Variants in HPF1 observed in about 807,000 individuals in gnomAD.
HPF1 encodes the protein histone PARylation factor 1, also known as UPF0609 protein C4orf27.
HPF1 carries 35 observed loss-of-function variants against 38.8 expected under a neutral mutation model. That is an observed-to-expected ratio of 0.90 (90% CI 0.69 to 1.19). The LOEUF (loss-of-function observed/expected upper bound fraction) is 1.19, where lower values mean the gene tolerates loss of function less well. Ranked by LOEUF, HPF1 falls within the 50% of genes most tolerant of loss-of-function variation. The pLI is 0.00. For synonymous variants in HPF1, 115 were observed against 139.2 expected (o/e 0.83, Z 1.22); for missense variants, 367 against 405.8 (o/e 0.90, Z 0.82).
intron 5 of HPF1, among the ~76,000 whole-genome samples, chr4:169,740,843 A>G (rs566026113): frequency 6.6e-6 from 1 of 152,350 alleles, no homozygotes; most frequent in East Asian, 1.9e-4. Flanking sequence ...AGCTTGTGGT[A>G]GAAAAATAAA....
At chr4:169,746,174 TTATAGTA>T (rs1396557635) in intron 4 of HPF1, among the ~76,000 whole-genome samples, 1 of 152,210 alleles carries the variant, frequency 6.6e-6, no homozygotes, top group Non-Finnish European at 1.5e-5. Flanking sequence ...TACCAAAGTA[TTATAGTA>T]TATGGATAGT....
At chr4:169,739,534 TAAA>T (rs929725684) in intron 5 of HPF1, among the ~76,000 whole-genome samples, 17 of 151,666 alleles carry the variant, frequency 1.1e-4, no homozygotes, top group African/African-American at 3.6e-4. Flanking sequence ...TGGAAAAAAC[TAAA>T]AAGACTAAAG....
In HPF1 at chr4:169,750,793, A is replaced by C. The variant is rs976817861; in HGVS notation, c.209-68T>G. The C allele has an allele frequency of 8.5e-6, 10 of 1,170,502 alleles. No individual in the cohort carries two copies. In the African/African-American group the frequency reaches 1.4e-4, roughly 16 times the overall value. 72.5% of individuals were successfully genotyped at this position (1,170,502 alleles called of 1,614,324 possible). A position where few individuals can be genotyped will look rare whatever the true frequency, so the allele number is the denominator to read the frequency against. On this transcript the variant is annotated intron_variant, in intron 2 of 7. Transcript: ENST00000393381. The stretch of plus-strand genomic sequence containing the variant: ...TAGGAAATAATGCTTTTATTTAGTA[A>C]ACTATTTCTAAGCAATTGTCTTTAA...
intron 6 of HPF1, among the ~76,000 whole-genome samples, chr4:169,733,927 T>C (rs1449480950): frequency 2.0e-5 from 3 of 151,000 alleles, no homozygotes; most frequent in Non-Finnish European, 4.4e-5. Context: ...CCAAGGATGG[T>C]ATTAAAAATA....
chr4:169,729,627 T>A lies in HPF1; in HGVS notation c.992A>T (p.Glu331Val). Residue 331 changes from glutamate to valine, a missense_variant, in exon 8 of 8, where the codon GAG (glutamate) becomes GTG (valine). By Grantham distance (121) the Glu-to-Val change is moderately radical (BLOSUM62 -2). Transcript: ENST00000393381. ...KRNLFAEIIEEHLANRSQENI... is the reference protein window; with the variant it reads ...KRNLFAEIIEVHLANRSQENI... The stretch of plus-strand genomic sequence containing the variant: ...CTCTTGACTTCTGTTTGCCAGATGC[T>A]CCTCAATAATTTCTGCAAACAGATT... 6.3e-7 allele frequency: 1 copy of A among 1,589,884 alleles called. No individual in the cohort carries two copies. Among genetic ancestry groups the A allele is most frequent in the South Asian group, 1.2e-5 (1 of 85,862 alleles).
intron 1 of HPF1, among the ~76,000 whole-genome samples, chr4:169,754,096 TAAAAA>T (rs869247053): frequency 6.6e-6 from 1 of 151,662 alleles, no homozygotes; most frequent in Non-Finnish European, 1.5e-5. Flanking sequence ...AACAAAAAGG[TAAAAA>T]AAAGAAATAA....
intron 1 of HPF1, among the ~76,000 whole-genome samples, chr4:169,756,968 GC>G (rs1240269533): frequency 6.6e-6 from 1 of 152,272 alleles, no homozygotes; most frequent in Admixed American, 6.5e-5. Flanking sequence ...TATACCGATG[GC>G]CCTTTAACAG....
At chr4:169,757,068 A>G (rs1340452523) in intron 1 of HPF1, among the ~76,000 whole-genome samples, 3 of 152,266 alleles carry the variant, frequency 2.0e-5, no homozygotes, top group South Asian at 2.1e-4. Flanking sequence ...TCACAATGGC[A>G]CTTCTTTCCT....
chr4:169,743,476 G>A (rs540473615), intron 4 of HPF1, among the ~76,000 whole-genome samples: 2 of 136,524 alleles, frequency 1.5e-5, no homozygotes, highest in East Asian at 2.2e-4. Context: ...ACTAAAGGTC[G>A]ATAGATTTTT....
At chr4:169,752,083 C>G (rs529278102) in intron 2 of HPF1, among the ~76,000 whole-genome samples, 16 of 151,658 alleles carry the variant, frequency 1.1e-4, no homozygotes, top group African/African-American at 3.9e-4. Flanking sequence ...TATTCTCTTA[C>G]TGAGGGAAAT....
At chr4:169,748,957 C>A in intron 3 of HPF1, 115 bp from the exon 4 acceptor site, 1 of 551,454 alleles carries the variant, frequency 1.8e-6, no homozygotes, top group Non-Finnish European at 3.3e-6. Flanking sequence ...TTTTTGGAGG[C>A]CTTTTTTTTT....
At position 169,753,667 on chromosome 4, in the gene HPF1, G is replaced by A; in HGVS notation, c.208+9C>T. Reference sequence around the variant, plus strand: ...CCATTAATACAAGAATGATTCTGGAGCAACTCACCAGATGGCTTTTCAGGA... The same window carrying A: ...CCATTAATACAAGAATGATTCTGGAACAACTCACCAGATGGCTTTTCAGGA... On this transcript the variant is annotated intron_variant, in intron 2 of 7. Coordinates refer to ENST00000393381, the MANE Select transcript of HPF1 (RefSeq NM_017867.3). 6.2e-7 allele frequency: 1 copy of A among 1,606,960 alleles called. No individual in the cohort carries two copies. Among genetic ancestry groups the A allele is most frequent in the African/African-American group, 1.3e-5 (1 of 74,758 alleles).
chr4:169,751,740 A>C (rs755572167), intron 2 of HPF1, among the ~76,000 whole-genome samples: 4 of 152,242 alleles, frequency 2.6e-5, no homozygotes, highest in Non-Finnish European at 4.4e-5. Flanking sequence ...AGAAGCATGG[A>C]GATAACTTGA....
chr4:169,731,347 C>T (rs1319703155), intron 7 of HPF1, among the ~76,000 whole-genome samples: 2 of 152,120 alleles, frequency 1.3e-5, no homozygotes, highest in Non-Finnish European at 2.9e-5. Flanking sequence ...AAGGTGTGTG[C>T]ACACACCCCC....
intron 1 of HPF1, among the ~76,000 whole-genome samples, chr4:169,757,603 A>C (rs112919267): frequency 0.017 from 2,565 of 152,320 alleles, 62 homozygotes; most frequent in African/African-American, 0.056. Context: ...TTCCCCAGGA[A>C]ATGCTCCAAG....
chr4:169,746,367 C>G (rs1348338958), intron 4 of HPF1, among the ~76,000 whole-genome samples: 2 of 152,034 alleles, frequency 1.3e-5, no homozygotes, highest in African/African-American at 4.8e-5. Context: ...GACAATGTCA[C>G]CTATTAAGAA....
At chr4:169,753,028 G>GTTTTTTTTT (rs71590035) in intron 2 of HPF1, among the ~76,000 whole-genome samples, 11 of 103,902 alleles carry the variant, frequency 1.1e-4, no homozygotes, top group South Asian at 3.3e-4. Context: ...CCTTGGTTAG[G>GTTTTTTTTT]TTTTTTTTTT....
rs1438990214 is a variant in HPF1 at position 169,757,915 on chromosome 4, G to T, written c.-38C>A. 3 of 1,533,914 alleles carry T rather than the reference G, an allele frequency of 2.0e-6. No individual in the cohort carries two copies. Among genetic ancestry groups the T allele is most frequent in the Non-Finnish European group, 2.6e-6 (3 of 1,144,158 alleles). On this transcript the variant is annotated 5_prime_UTR_variant, in exon 1 of 8. Transcript: ENST00000393381. ...GCGCCAGCAGAATTCCCCGATCCGC[G>T]GCCGCTTCCGAGCGCCGCCAACCGC...
chr4:169,756,256 T>C (rs1365613836), intron 1 of HPF1, among the ~76,000 whole-genome samples: 55 of 152,158 alleles, frequency 3.6e-4, no homozygotes, highest in Non-Finnish European at 4.4e-5. Context: ...GAGGTTAACC[T>C]CCCTACGTCC....
Sources: gnomAD v4.1 joint callset for allele counts (sites outside exome capture counted in the v4.1 genomes callset) on GRCh38, gnomAD v4.1.1 for gene constraint, MANE v1.5 for transcripts, NCBI Gene and HGNC (gene_info 2026-07-23, HGNC 2026-07-21) for gene names.